NCOR1: variants seen among roughly 807,000 people sequenced by gnomAD.
NCOR1 encodes protein phosphatase 1, regulatory subunit 109.
NCOR1 carries 63 observed loss-of-function variants against 288.1 expected under a neutral mutation model. The observed-to-expected ratio is 0.22, with a 90% CI of 0.18 to 0.27. The LOEUF (loss-of-function observed/expected upper bound fraction) is 0.27. Ranked by LOEUF, NCOR1 falls within the 10% of genes least tolerant of loss-of-function variation. NCOR1 has a pLI of 1.00. For synonymous variants in NCOR1, 1,007 were observed against 1,065.9 expected (o/e 0.94, Z 1.08); for missense variants, 2,397 against 3,019.2 (o/e 0.79, Z 4.83).
chr17:16,091,165 CA>C (rs1350586764), intron 22 of NCOR1, among the ~76,000 whole-genome samples: 9 of 152,068 alleles, frequency 5.9e-5, no homozygotes, highest in Admixed American at 5.9e-4. Flanking sequence ...AGTGATGTAA[CA>C]ATGAAAACAG....
intron 42 of NCOR1, among the ~76,000 whole-genome samples, chr17:16,041,545 C>G (rs2057635370): frequency 1.3e-5 from 2 of 151,210 alleles, no homozygotes; most frequent in South Asian, 4.2e-4. Context: ...TCCCGAGCAG[C>G]TGGGATTATA....
At chr17:16,183,255 A>T (rs1359335059) in intron 3 of NCOR1, among the ~76,000 whole-genome samples, 1 of 151,034 alleles carries the variant, frequency 6.6e-6, no homozygotes, top group Non-Finnish European at 1.5e-5. Context: ...AGAAAAGAAA[A>T]AAAAGAAAAG....
chr17:16,076,831 C>T (rs909716391), intron 26 of NCOR1, among the ~76,000 whole-genome samples: 2 of 152,160 alleles, frequency 1.3e-5, no homozygotes, highest in Admixed American at 6.5e-5. Flanking sequence ...TACAGCTTTC[C>T]GAATCCCGGC....
chr17:16,151,734 T>C (rs1229046210), intron 8 of NCOR1: 1 of 1,091,118 alleles, frequency 9.2e-7, no homozygotes, highest in African/African-American at 1.6e-5. Context: ...TATGCAATAA[T>C]TTATTTCATT....
At chr17:16,125,721 A>C (rs952312052) in intron 15 of NCOR1, among the ~76,000 whole-genome samples, 2 of 151,666 alleles carry the variant, frequency 1.3e-5, no homozygotes, top group Non-Finnish European at 2.9e-5. Flanking sequence ...AAAAAAAAAA[A>C]ACTATACTTT....
In NCOR1 at chr17:16,080,079, A is replaced by C; in HGVS notation, c.3401-15T>G. ...TCCTGCGGTACCTGAATACAAACAA[A>C]GCTATTAGCAAATTACACCCCCAGC... On this transcript the variant is annotated splice_polypyrimidine_tract_variant and intron_variant, in intron 25 of 45. Transcript: ENST00000268712. 1 of 1,607,980 alleles carries C rather than the reference A, an allele frequency of 6.2e-7. No homozygotes were observed. The highest frequency in any genetic ancestry group is 1.1e-5 in the South Asian group (1 of 90,952).
chr17:16,168,443 C>T (rs796842236), intron 4 of NCOR1, among the ~76,000 whole-genome samples: 6 of 151,656 alleles, frequency 4.0e-5, no homozygotes, highest in South Asian at 2.1e-4. Flanking sequence ...TCTGGTGATC[C>T]GCCCGCCTCG....
Position 16,061,607 on chromosome 17 carries a change from G to C in NCOR1, c.5675C>G (p.Pro1892Arg). ...YTSSAFPSGK[P>R]QPHSSVVYSE... ...ATAAACTACTGAAGAATGAGGCTGG[G>C]GCTTGCCACTTGGAAAGGCTGAAGA... The change falls in exon 37 of 46, where the codon CCC (proline) becomes CGC (arginine). Residue 1892 changes from proline to arginine, a missense_variant. Coordinates refer to ENST00000268712, the MANE Select transcript of NCOR1 (RefSeq NM_006311.4). 1 of 1,614,180 alleles carries C rather than the reference G, an allele frequency of 6.2e-7. No individual in the cohort carries two copies. Among genetic ancestry groups the C allele is most frequent in the Non-Finnish European group, 8.5e-7 (1 of 1,180,034 alleles).
rs1375921529 is a variant in NCOR1, at chr17:16,215,489, C to T, written c.-198G>A. On this transcript the variant is annotated 5_prime_UTR_variant, in exon 1 of 46. Transcript: ENST00000268712. ...GTCGGACGCTCACTCCAGCCGCCGCCGCCGCCGCGGCTGCTGCTTCGCCAC... is the reference window on the plus strand; with the variant it reads ...GTCGGACGCTCACTCCAGCCGCCGCTGCCGCCGCGGCTGCTGCTTCGCCAC... 2.0e-5 allele frequency: 8 copies of T among 398,846 alleles called. No homozygotes were observed. Among genetic ancestry groups the T allele is most frequent in the Middle Eastern group, 1.3e-3 (2 of 1,586 alleles). The allele number at this position is 398,846 out of a possible 1,614,324, so 24.7% of individuals were successfully genotyped here.
intron 7 of NCOR1, 24 bp from the exon 8 acceptor site, chr17:16,152,022 T>A: frequency 1.3e-6 from 2 of 1,499,238 alleles, no homozygotes; most frequent in African/African-American, 2.8e-5. Context: ...CAAATATTTA[T>A]GTATAAAATG....
At chr17:16,146,025 C>T (rs567984330) in intron 10 of NCOR1, among the ~76,000 whole-genome samples, 2 of 152,256 alleles carry the variant, frequency 1.3e-5, no homozygotes, top group South Asian at 4.2e-4. Context: ...GAAACATGTG[C>T]TGGGTCCATT....
At chr17:16,128,048 G>A (rs1285380077) in intron 14 of NCOR1, among the ~76,000 whole-genome samples, 1 of 151,880 alleles carries the variant, frequency 6.6e-6, no homozygotes, top group African/African-American at 2.4e-5. Context: ...CCGAATGCTG[G>A]GATTACATGC....
At chr17:16,042,671 T>C (rs138118343) in intron 42 of NCOR1, among the ~76,000 whole-genome samples, 2 of 152,260 alleles carry the variant, frequency 1.3e-5, no homozygotes, top group Admixed American at 6.5e-5. Context: ...GGAGGCCAAC[T>C]TGACAGGAGG....
At chr17:16,099,875 T>C (rs886864412) in intron 20 of NCOR1, among the ~76,000 whole-genome samples, 1 of 152,222 alleles carries the variant, frequency 6.6e-6, no homozygotes, top group African/African-American at 2.4e-5. Flanking sequence ...TTCTAGCATC[T>C]ACTATATAAA....
intron 37 of NCOR1, among the ~76,000 whole-genome samples, chr17:16,060,823 T>TA (rs1296674067): frequency 6.6e-6 from 1 of 152,224 alleles, no homozygotes; most frequent in Non-Finnish European, 1.5e-5. Context: ...GGCAATAGTT[T>TA]AAAAGAAAAT....
intron 1 of NCOR1, among the ~76,000 whole-genome samples, chr17:16,209,079 C>T (rs1269691072): frequency 5.9e-5 from 9 of 152,036 alleles, no homozygotes; most frequent in African/African-American, 2.2e-4. Context: ...TTTTTAAAAA[C>T]TCAGATACAG....
In NCOR1 at chr17:16,080,740, C is replaced by T. The variant is rs1272864913; in HGVS notation, c.3178-13G>A. On this transcript the variant is annotated splice_polypyrimidine_tract_variant and intron_variant, in intron 23 of 45. Transcript: ENST00000268712. The stretch of plus-strand genomic sequence containing the variant: ...TGCCTGGTGTTCCCTAAGAAAAAAA[C>T]AAAAAAAAATTTAAAGATTAAGCAA... 2 of 1,565,948 alleles carry T rather than the reference C, an allele frequency of 1.3e-6. No homozygotes were observed. Among genetic ancestry groups the T allele is most frequent in the African/African-American group, 1.4e-5 (1 of 71,090 alleles).
intron 4 of NCOR1, among the ~76,000 whole-genome samples, chr17:16,167,588 G>A (rs1189516680): frequency 2.0e-5 from 3 of 151,890 alleles, no homozygotes; most frequent in Non-Finnish European, 2.9e-5. Flanking sequence ...CACTGGGCAC[G>A]ATGGCTCACA....
chr17:16,074,721 T>C (rs914809318), intron 27 of NCOR1, among the ~76,000 whole-genome samples: 5 of 148,674 alleles, frequency 3.4e-5, no homozygotes, highest in African/African-American at 1.3e-4. Flanking sequence ...AATATTTCTA[T>C]CACATTTGAG....
Sources: allele counts gnomAD v4.1 joint callset (sites outside exome capture counted in the v4.1 genomes callset), GRCh38; gene constraint gnomAD v4.1.1; transcripts MANE v1.5; gene names NCBI Gene and HGNC (gene_info 2026-07-23, HGNC 2026-07-21).